Variants in KCNH5 observed in about 807,000 individuals in gnomAD.
KCNH5 encodes potassium voltage-gated channel subfamily H member 5, also known as voltage-gated delayed rectifier potassium channel KCNH5.
KCNH5 carries 46 observed loss-of-function variants against 96.1 expected under a neutral mutation model. The observed-to-expected ratio is 0.48, with a 90% CI of 0.38 to 0.61. KCNH5 has a LOEUF of 0.61. KCNH5 is among the 20% of genes least tolerant of loss of function. KCNH5 has a pLI of 0.00. For synonymous variants in KCNH5, 439 were observed against 449.8 expected, an observed-to-expected ratio of 0.98 and a Z score of 0.30; for missense variants, 907 against 1,225.8, an observed-to-expected ratio of 0.74 and a Z score of 3.88.
At chr14:62,868,141 T>C (rs1230370115) in intron 7 of KCNH5, among the ~76,000 whole-genome samples, 4 of 152,238 alleles carry the variant, frequency 2.6e-5, no homozygotes, top group Non-Finnish European at 4.4e-5. Context: ...TGACCCTCTA[T>C]GCCTGGAAGG....
chr14:62,849,125 C>T (rs1887754652), intron 8 of KCNH5, among the ~76,000 whole-genome samples: 1 of 152,064 alleles, frequency 6.6e-6, no homozygotes, highest in Non-Finnish European at 1.5e-5. Flanking sequence ...AGGGAGATAT[C>T]TATTTTATAG....
At chr14:62,717,755 G>A (rs892680849) in intron 10 of KCNH5, among the ~76,000 whole-genome samples, 3 of 152,162 alleles carry the variant, frequency 2.0e-5, no homozygotes, top group Non-Finnish European at 2.9e-5. Flanking sequence ...AGATAGGTAC[G>A]TAAATCTCAA....
intron 10 of KCNH5, among the ~76,000 whole-genome samples, chr14:62,720,200 G>C (rs1200315782): frequency 1.3e-5 from 2 of 152,164 alleles, no homozygotes; most frequent in Non-Finnish European, 2.9e-5. Context: ...CATTAAGGAA[G>C]ATATAGTGGG....
intron 1 of KCNH5, among the ~76,000 whole-genome samples, chr14:63,043,463 C>A (rs919399274): frequency 6.6e-6 from 1 of 152,102 alleles, no homozygotes; most frequent in African/African-American, 2.4e-5. Flanking sequence ...AGAGTAATAT[C>A]CCCTTGTATT....
intron 2 of KCNH5, among the ~76,000 whole-genome samples, chr14:63,012,389 T>A (rs1020515738): frequency 6.6e-6 from 1 of 152,122 alleles, no homozygotes; most frequent in African/African-American, 2.4e-5. Context: ...ACATCAGATA[T>A]TTTCAGATAG....
intron 7 of KCNH5, among the ~76,000 whole-genome samples, chr14:62,857,894 C>T (rs1363146282): frequency 6.6e-6 from 1 of 152,096 alleles, no homozygotes; most frequent in Non-Finnish European, 1.5e-5. Context: ...AACTTGAACC[C>T]ATATACATCT....
At chr14:62,996,521 G>A (rs1472498848) in intron 4 of KCNH5, among the ~76,000 whole-genome samples, 5 of 152,108 alleles carry the variant, frequency 3.3e-5, no homozygotes, top group South Asian at 2.1e-4. Context: ...GAGTTGTCTC[G>A]AGCTTTTTCA....
chr14:63,021,272 G>C (rs1433408885), intron 1 of KCNH5, among the ~76,000 whole-genome samples: 4 of 151,994 alleles, frequency 2.6e-5, no homozygotes, highest in African/African-American at 9.7e-5. Flanking sequence ...AATCCCAACT[G>C]TTTATATAAT....
intron 6 of KCNH5, among the ~76,000 whole-genome samples, chr14:62,966,642 C>T (rs1409572806): frequency 6.6e-6 from 1 of 152,180 alleles, no homozygotes; most frequent in East Asian, 1.9e-4. Flanking sequence ...CTCTCCTGCT[C>T]AGATAAATGG....
chr14:62,939,824 CAGT>C (rs1889754726), intron 7 of KCNH5, among the ~76,000 whole-genome samples: 1 of 151,944 alleles, frequency 6.6e-6, no homozygotes, highest in Admixed American at 6.6e-5. Context: ...CCCGTAACCC[CAGT>C]TACTTGGGAG....
intron 10 of KCNH5, among the ~76,000 whole-genome samples, chr14:62,708,747 C>T (rs1168089531): frequency 1.3e-5 from 2 of 152,076 alleles, no homozygotes; most frequent in African/African-American, 2.4e-5. Context: ...TAGAGAGGTA[C>T]TTTGCTTCTA....
rs1291462725 is a variant in KCNH5, at chr14:62,729,748, C to A, written c.2020-21293G>T. Among the ~76,000 whole-genome samples the A allele has an allele frequency of 3.9e-5, 6 of 152,284 alleles. No individual in the cohort carries two copies. The East Asian group carries it at 1.2e-3, about 29-fold the overall frequency. ...AGACAGGAATTGCCACATGGCTGAG[C>A]TCTAGCTAAGGGAACATGAGCAGAA... On this transcript the variant is annotated intron_variant, in intron 10 of 10. Transcript: ENST00000322893.
At chr14:62,916,749 C>G (rs1389943454) in intron 7 of KCNH5, among the ~76,000 whole-genome samples, 1 of 152,182 alleles carries the variant, frequency 6.6e-6, no homozygotes, top group Non-Finnish European at 1.5e-5. Flanking sequence ...GAGGGTCATG[C>G]CAATATTCCT....
chr14:62,962,325 C>T lies in KCNH5; in HGVS notation c.943-11766G>A, dbSNP rs774310029. Among the ~76,000 whole-genome samples, 102 of 152,154 alleles carry T rather than the reference C, an allele frequency of 6.7e-4. 1 individual carries two copies. The highest frequency in any genetic ancestry group is 6.3e-3 in the Middle Eastern group (2 of 316). ...ATTTGATCAGCAATTAATGCAGACC[C>T]TAATCCAGATATAAAAAAATGCTGG... On this transcript the variant is annotated intron_variant, in intron 6 of 10. Coordinates refer to ENST00000322893, the MANE Select transcript of KCNH5 (RefSeq NM_139318.5).
intron 2 of KCNH5, among the ~76,000 whole-genome samples, chr14:63,013,812 C>T (rs1033430239): frequency 1.3e-5 from 2 of 152,030 alleles, no homozygotes; most frequent in African/African-American, 2.4e-5. Context: ...GTATATACAA[C>T]ATATGATGTA....
At chr14:62,789,411 G>A (rs917329106) in intron 9 of KCNH5, among the ~76,000 whole-genome samples, 7 of 152,052 alleles carry the variant, frequency 4.6e-5, no homozygotes, top group African/African-American at 1.4e-4. Flanking sequence ...ATATCTCTAG[G>A]AGGTGATAAA....
At chr14:62,976,446 C>T (rs1191041794) in intron 6 of KCNH5, among the ~76,000 whole-genome samples, 1 of 147,814 alleles carries the variant, frequency 6.8e-6, no homozygotes, top group East Asian at 2.0e-4. Context: ...CTCATAGGTA[C>T]AGTATCTGAA....
At chr14:62,854,583 T>C (rs1267328635) in intron 7 of KCNH5, among the ~76,000 whole-genome samples, 1 of 152,072 alleles carries the variant, frequency 6.6e-6, no homozygotes, top group Non-Finnish European at 1.5e-5. Context: ...CCCCTTACAT[T>C]ATTTTACCTT....
intron 2 of KCNH5, among the ~76,000 whole-genome samples, chr14:63,009,427 G>A (rs1158467733): frequency 6.6e-6 from 1 of 152,022 alleles, no homozygotes; most frequent in African/African-American, 2.4e-5. Context: ...GGAAAATAAA[G>A]GCACTTAAGA....
Sources: gnomAD v4.1 joint callset for allele counts (sites outside exome capture counted in the v4.1 genomes callset) on GRCh38, gnomAD v4.1.1 for gene constraint, MANE v1.5 for transcripts, NCBI Gene and HGNC (gene_info 2026-07-23, HGNC 2026-07-21) for gene names.